Variants in PDE3B observed in about 807,000 individuals in gnomAD.
PDE3B encodes cGMP-inhibited 3',5'-cyclic phosphodiesterase 3B.
A neutral mutation model predicts 116.8 loss-of-function variants in PDE3B; 66 were observed. That is an observed-to-expected ratio of 0.56 (90% CI 0.46 to 0.69). The LOEUF is 0.69. PDE3B is among the 30% of genes least tolerant of loss of function. The pLI is 0.00. For synonymous variants in PDE3B, 595 were observed against 533.6 expected, an observed-to-expected ratio of 1.12 and a Z score of -1.59; for missense variants, 1,384 against 1,368.1, an observed-to-expected ratio of 1.01 and a Z score of -0.18.
chr11:14,821,667 A>G (rs906766569), intron 7 of PDE3B, among the ~76,000 whole-genome samples: 1 of 152,156 alleles, frequency 6.6e-6, no homozygotes, highest in Non-Finnish European at 1.5e-5. Context: ...TGGAAAAAAT[A>G]ATATTTTCTA....
At chr11:14,716,102 A>C (rs1285268255) in intron 1 of PDE3B, among the ~76,000 whole-genome samples, 3 of 152,166 alleles carry the variant, frequency 2.0e-5, no homozygotes, top group Non-Finnish European at 4.4e-5. Flanking sequence ...GCATTGCCTC[A>C]CCTGGGAAGC....
At chr11:14,749,191 A>G (rs1856992464) in intron 1 of PDE3B, among the ~76,000 whole-genome samples, 1 of 152,126 alleles carries the variant, frequency 6.6e-6, no homozygotes, top group Non-Finnish European at 1.5e-5. Flanking sequence ...CGCCTGGCCA[A>G]GAACTTTCTA....
intron 12 of PDE3B, among the ~76,000 whole-genome samples, chr11:14,847,548 A>G (rs568242742): frequency 8.1e-4 from 123 of 152,136 alleles, no homozygotes; most frequent in African/African-American, 2.9e-3. Context: ...CAATGAATCC[A>G]GGAGCTGGTT....
intron 4 of PDE3B, among the ~76,000 whole-genome samples, chr11:14,800,930 C>T (rs867872723): frequency 2.6e-5 from 4 of 152,034 alleles, no homozygotes; most frequent in Non-Finnish European, 4.4e-5. Context: ...TCCTTTCTTC[C>T]ACTTGATCAA....
intron 1 of PDE3B, among the ~76,000 whole-genome samples, chr11:14,759,550 T>G (rs1206774608): frequency 6.8e-6 from 1 of 146,784 alleles, no homozygotes; most frequent in African/African-American, 2.5e-5. Context: ...CAGAAGTAGT[T>G]TTTTTTTTTT....
intron 4 of PDE3B, among the ~76,000 whole-genome samples, chr11:14,793,327 A>G (rs58110586): frequency 0.13 from 20,121 of 152,130 alleles, 1,524 homozygotes; most frequent in African/African-American, 0.2. Context: ...ATACAACCCA[A>G]TATTCATTTA....
chr11:14,849,210 A>G (rs911708599), intron 12 of PDE3B, among the ~76,000 whole-genome samples: 3 of 152,260 alleles, frequency 2.0e-5, no homozygotes, highest in South Asian at 4.1e-4. Context: ...GATCTTTGAC[A>G]AACCTGAGAA....
chr11:14,697,560 C>T (rs1469799251), intron 1 of PDE3B, among the ~76,000 whole-genome samples: 1 of 152,000 alleles, frequency 6.6e-6, no homozygotes, highest in Non-Finnish European at 1.5e-5. Flanking sequence ...CTTGGCTAGT[C>T]TAGGACCTTT....
chr11:14,823,173 C>T (rs533675417), intron 7 of PDE3B, among the ~76,000 whole-genome samples: 23 of 152,298 alleles, frequency 1.5e-4, no homozygotes, highest in African/African-American at 5.5e-4. Flanking sequence ...GCCATTGTTG[C>T]CTTCTGGCTC....
At chr11:14,812,183 T>C (rs1859160075) in intron 5 of PDE3B, among the ~76,000 whole-genome samples, 1 of 152,192 alleles carries the variant, frequency 6.6e-6, no homozygotes, top group East Asian at 1.9e-4. Context: ...TAGATAGTGG[T>C]GATAGTTGCA....
intron 5 of PDE3B, among the ~76,000 whole-genome samples, chr11:14,814,722 G>A (rs1469085606): frequency 6.6e-6 from 1 of 152,226 alleles, no homozygotes; most frequent in East Asian, 1.9e-4. Flanking sequence ...CACTTAGGGA[G>A]GCTGAGGCTG....
chr11:14,674,050 A>G (rs1347067099), intron 1 of PDE3B: 2 of 1,518,060 alleles, frequency 1.3e-6, no homozygotes, highest in Non-Finnish European at 1.8e-6. Flanking sequence ...CCAGTCATCA[A>G]CAAGCCACAG....
chr11:14,742,113 T>G (rs1856792069), intron 1 of PDE3B, among the ~76,000 whole-genome samples: 2 of 151,680 alleles, frequency 1.3e-5, no homozygotes, highest in Non-Finnish European at 2.9e-5. Flanking sequence ...TTCTCTGTAT[T>G]TCCTGAATTT....
chr11:14,817,597 G>A (rs1859374611), intron 5 of PDE3B, among the ~76,000 whole-genome samples: 1 of 151,982 alleles, frequency 6.6e-6, no homozygotes, highest in Non-Finnish European at 1.5e-5. Context: ...AGAAAAATAG[G>A]TAAATTAGCT....
At chr11:14,737,762 T>TCCCC (rs71044023) in intron 1 of PDE3B, among the ~76,000 whole-genome samples, 1 of 112,360 alleles carries the variant, frequency 8.9e-6, no homozygotes, top group Admixed American at 9.7e-5. Context: ...TGCTATCCCT[T>TCCCC]CCCCCCTCCC....
Position 14,827,549 on chromosome 11 carries a change from C to G in PDE3B, c.1808-3149C>G, listed in dbSNP as rs539207990. 5.3e-5 allele frequency among the ~76,000 whole-genome samples: 8 copies of G among 152,130 alleles called. No homozygotes were observed. In the South Asian group the frequency reaches 1.7e-3, roughly 32 times the overall value. On this transcript the variant is annotated intron_variant, in intron 7 of 15. Transcript: ENST00000282096. ...GCCAAAACAAGAGCCAAACCAGGAACACAATCCCATTTACAATTGCCACAA... is the reference window on the plus strand; with the variant it reads ...GCCAAAACAAGAGCCAAACCAGGAAGACAATCCCATTTACAATTGCCACAA...
chr11:14,861,148 A>T, intron 13 of PDE3B, 57 bp from the exon 14 acceptor site: 1 of 1,384,652 alleles, frequency 7.2e-7, no homozygotes, highest in Non-Finnish European at 1.0e-6. Context: ...AGCAAACAAA[A>T]CAACAAGTTT....
At chr11:14,824,003 CTG>C (rs1346362858) in intron 7 of PDE3B, among the ~76,000 whole-genome samples, 2 of 152,190 alleles carry the variant, frequency 1.3e-5, no homozygotes, top group South Asian at 4.1e-4. Flanking sequence ...TTTGGAGAAT[CTG>C]TGGGGACCAG....
intron 4 of PDE3B, among the ~76,000 whole-genome samples, chr11:14,799,313 C>A (rs1436753708): frequency 6.6e-6 from 1 of 152,162 alleles, no homozygotes; most frequent in African/African-American, 2.4e-5. Flanking sequence ...GTTATGATTT[C>A]TGTTCTTTTG....
Sources: allele counts gnomAD v4.1 joint callset (sites outside exome capture counted in the v4.1 genomes callset), GRCh38; gene constraint gnomAD v4.1.1; transcripts MANE v1.5; gene names NCBI Gene and HGNC (gene_info 2026-07-23, HGNC 2026-07-21).